Variants in HUNK observed in about 807,000 individuals in gnomAD.
HUNK encodes hormonally up-regulated Neu-associated kinase, also known as hormonally up-regulated neu tumor-associated kinase.
Under a neutral mutation model 61.0 loss-of-function variants are expected in HUNK, and 21 were observed. The ratio of observed to expected loss-of-function variants is 0.34; its 90% CI spans 0.24 to 0.50. The LOEUF (loss-of-function observed/expected upper bound fraction) is 0.50. HUNK is among the 20% of genes least tolerant of loss of function. The pLI is 0.98. For missense variants in HUNK, 772 were observed against 945.7 expected (o/e 0.82, Z 2.41); for synonymous variants, 371 against 386.1 (o/e 0.96, Z 0.46).
chr21:31,998,185 C>T (rs2053219274), intron 10 of HUNK, among the ~76,000 whole-genome samples: 1 of 152,168 alleles, frequency 6.6e-6, no homozygotes, highest in South Asian at 2.1e-4. Context: ...TCCCAAAGTG[C>T]TGGGATCACA....
At chr21:31,921,997 T>C (rs2052625424) in intron 1 of HUNK, among the ~76,000 whole-genome samples, 1 of 152,190 alleles carries the variant, frequency 6.6e-6, no homozygotes, top group Non-Finnish European at 1.5e-5. Flanking sequence ...CTTGAGAACA[T>C]TAAAAAATCT....
intron 2 of HUNK, among the ~76,000 whole-genome samples, chr21:31,939,717 G>GTTTTT (rs369967151): frequency 7.7e-6 from 1 of 130,468 alleles, no homozygotes; most frequent in African/African-American, 2.7e-5. Flanking sequence ...CTCATGTGTT[G>GTTTTT]TTTTTTTTTT....
chr21:31,906,256 TAA>T (rs146774178), intron 1 of HUNK, among the ~76,000 whole-genome samples: 4,453 of 152,248 alleles, frequency 0.029, 239 homozygotes, highest in African/African-American at 0.1. Flanking sequence ...ATACCGAGGT[TAA>T]GTTTTTTGCC....
intron 4 of HUNK, among the ~76,000 whole-genome samples, chr21:31,956,566 C>A (rs1376281749): frequency 1.3e-5 from 2 of 152,174 alleles, no homozygotes. Flanking sequence ...AGCCCTGATA[C>A]TCCTTCCCTG....
At chr21:31,884,509 T>G (rs2052331738) in intron 1 of HUNK, among the ~76,000 whole-genome samples, 1 of 151,910 alleles carries the variant, frequency 6.6e-6, no homozygotes, top group African/African-American at 2.4e-5. Context: ...GGAGAATCAC[T>G]TGAACCTGGG....
At chr21:31,965,594 C>CTTTTTTTTT (rs71193162) in intron 5 of HUNK, among the ~76,000 whole-genome samples, 9 of 127,474 alleles carry the variant, frequency 7.1e-5, no homozygotes, top group African/African-American at 1.2e-4. Context: ...CTTTGTTTTT[C>CTTTTTTTTT]TTTTTTTTTT....
At position 32,001,344 on chromosome 21, in the gene HUNK, G is replaced by A. The variant is rs937830169; in HGVS notation, c.*2160G>A. On this transcript the variant is annotated 3_prime_UTR_variant, in exon 11 of 11. Transcript: ENST00000270112. The stretch of plus-strand genomic sequence containing the variant: ...ATCATCTAAGACCATCTCTCCATTC[G>A]ACATGAAGTGTACCTTTTCTAAAGA... 2.0e-5 allele frequency: 3 copies of A among 152,050 alleles called. No homozygotes were observed. The highest frequency in any genetic ancestry group is 2.1e-4 in the South Asian group (1 of 4,818). 9.4% of individuals were successfully genotyped at this position (152,050 alleles called of 1,614,324 possible). A position where few individuals can be genotyped will look rare whatever the true frequency, so the allele number is the denominator to read the frequency against.
intron 1 of HUNK, among the ~76,000 whole-genome samples, chr21:31,895,790 G>A (rs2052420818): frequency 6.6e-6 from 1 of 152,172 alleles, no homozygotes; most frequent in African/African-American, 2.4e-5. Context: ...CTGGTAGAGG[G>A]TCAGTGTGAA....
intron 2 of HUNK, among the ~76,000 whole-genome samples, chr21:31,935,386 T>C (rs2052726794): frequency 6.6e-6 from 1 of 152,228 alleles, no homozygotes; most frequent in African/African-American, 2.4e-5. Context: ...TTTGTTACAA[T>C]GGATGAACCA....
chr21:31,939,633 C>T (rs1185623381), intron 2 of HUNK, among the ~76,000 whole-genome samples: 2 of 151,756 alleles, frequency 1.3e-5, no homozygotes, highest in East Asian at 1.9e-4. Flanking sequence ...GTCTCGAACT[C>T]GCGACCTCAG....
intron 6 of HUNK, among the ~76,000 whole-genome samples, chr21:31,971,949 T>C (rs2053014619): frequency 6.6e-6 from 1 of 151,918 alleles, no homozygotes. Context: ...ACGCCTCAGC[T>C]TCTATAGTAG....
intron 1 of HUNK, among the ~76,000 whole-genome samples, chr21:31,919,775 C>T: frequency 6.6e-6 from 1 of 152,156 alleles, no homozygotes; most frequent in African/African-American, 2.4e-5. Flanking sequence ...TTGTCAGAGG[C>T]TCCTGAGACT....
chr21:31,884,411 G>A (rs1316450948), intron 1 of HUNK, among the ~76,000 whole-genome samples: 1 of 152,144 alleles, frequency 6.6e-6, no homozygotes, highest in East Asian at 1.9e-4. Context: ...GACCAACATG[G>A]TGAAACCCCA....
intron 1 of HUNK, among the ~76,000 whole-genome samples, chr21:31,883,450 G>A (rs530694108): frequency 3.3e-5 from 5 of 152,024 alleles, no homozygotes; most frequent in South Asian, 4.2e-4. Flanking sequence ...ATGTCCATTC[G>A]CCAATTTTCT....
chr21:31,994,057 G>C (rs1433356304), intron 9 of HUNK, among the ~76,000 whole-genome samples: 3 of 152,212 alleles, frequency 2.0e-5, no homozygotes, highest in Non-Finnish European at 2.9e-5. Flanking sequence ...AGCACTGCAG[G>C]CTGTTTCTTC....
At position 31,974,639 on chromosome 21, in the gene HUNK, T is replaced by G. The variant is rs775998273; in HGVS notation, c.1095T>G (p.Thr365=). 1 of 1,614,040 alleles carries G rather than the reference T, an allele frequency of 6.2e-7. No homozygotes were observed. Among genetic ancestry groups the G allele is most frequent in the South Asian group, 1.1e-5 (1 of 91,074 alleles). ...LGYKNSDVIN[T]VLSNRACHIL... ...ACAAGAACAGCGACGTGATCAACAC[T>G]GTGCTCTCCAACCGCGCCTGCCACA... Residue 365 remains threonine (T), a synonymous_variant, in exon 7 of 11, where the codon ACT becomes ACG. Transcript: ENST00000270112.
chr21:31,906,547 A>C (rs2052506876), intron 1 of HUNK, among the ~76,000 whole-genome samples: 2 of 152,144 alleles, frequency 1.3e-5, no homozygotes. Flanking sequence ...CTCCTGCCTC[A>C]GCCTCCCAAG....
intron 9 of HUNK, among the ~76,000 whole-genome samples, chr21:31,994,755 T>A (rs2123257555): frequency 6.6e-6 from 1 of 152,384 alleles, no homozygotes; most frequent in South Asian, 2.1e-4. Flanking sequence ...TGTAAGCATC[T>A]GGCTTTATGC....
rs2053257608 is a variant in HUNK, at chr21:32,003,234, G to C, written c.*4050G>C. The stretch of plus-strand genomic sequence containing the variant: ...GCATTTTTAAGTCCTTTTCAAAACT[G>C]TGCAGCTTCCTGAACCTTATGCTGT... On this transcript the variant is annotated 3_prime_UTR_variant, in exon 11 of 11. Transcript: ENST00000270112. 1 of 152,204 alleles carries C rather than the reference G, an allele frequency of 6.6e-6. No individual in the cohort carries two copies. Among genetic ancestry groups the C allele is most frequent in the Non-Finnish European group, 1.5e-5 (1 of 68,052 alleles). 9.4% of individuals were successfully genotyped at this position (152,204 alleles called of 1,614,324 possible).
Sources: allele counts gnomAD v4.1 joint callset (sites outside exome capture counted in the v4.1 genomes callset), GRCh38; gene constraint gnomAD v4.1.1; transcripts MANE v1.5; gene names NCBI Gene and HGNC (gene_info 2026-07-23, HGNC 2026-07-21).